The following ELF2 variants were observed in gnomAD, a reference collection of about 807,000 sequenced individuals.
ELF2 encodes the protein E74 like ETS transcription factor 2, also known as ETS-related transcription factor Elf-2.
Under a neutral mutation model 54.8 loss-of-function variants are expected in ELF2, and 11 were observed. The observed-to-expected ratio is 0.20, with a 90% CI of 0.13 to 0.33. The LOEUF (loss-of-function observed/expected upper bound fraction) is 0.33, where lower values mean the gene tolerates loss of function less well. Ranked by LOEUF, ELF2 falls within the 10% of genes least tolerant of loss-of-function variation. The pLI is 1.00. For synonymous variants in ELF2, 203 were observed against 245.1 expected, an observed-to-expected ratio of 0.83 and a Z score of 1.61; for missense variants, 513 against 703.0, an observed-to-expected ratio of 0.73 and a Z score of 3.06.
At chr4:139,060,218 A>G in intron 9 of ELF2, 106 bp downstream of exon 9, 1 of 1,019,722 alleles carries the variant, frequency 9.8e-7, no homozygotes, top group Non-Finnish European at 1.4e-6. Flanking sequence ...TCCTGACAAC[A>G]CTGGGTTCTT....
chr4:139,158,428 T>C (rs1361026998), intron 1 of ELF2, among the ~76,000 whole-genome samples: 1 of 152,088 alleles, frequency 6.6e-6, no homozygotes, highest in East Asian at 1.9e-4. Flanking sequence ...AGTGGTAAAG[T>C]GTTGGGGCAG....
At chr4:139,061,274 A>G (rs562103586) in intron 8 of ELF2, among the ~76,000 whole-genome samples, 2 of 151,168 alleles carry the variant, frequency 1.3e-5, no homozygotes, top group South Asian at 4.2e-4. Flanking sequence ...TCCTGGGTTC[A>G]AGCGATTCTC....
intron 3 of ELF2, among the ~76,000 whole-genome samples, chr4:139,127,120 T>C (rs936444861): frequency 5.3e-5 from 8 of 152,334 alleles, no homozygotes; most frequent in African/African-American, 1.9e-4. Flanking sequence ...TACCTTCATG[T>C]ACCTACTCAC....
intron 1 of ELF2, among the ~76,000 whole-genome samples, chr4:139,152,659 T>C (rs1740123773): frequency 6.6e-6 from 1 of 152,134 alleles, no homozygotes; most frequent in Non-Finnish European, 1.5e-5. Flanking sequence ...TATAGTTTAA[T>C]TCACAGCTGG....
chr4:139,172,208 C>T (rs984633653), intron 1 of ELF2, among the ~76,000 whole-genome samples: 4 of 152,138 alleles, frequency 2.6e-5, no homozygotes, highest in South Asian at 4.1e-4. Flanking sequence ...TGGAAATAAT[C>T]GAAACACCTA....
chr4:139,089,967 T>C (rs1366801495), intron 4 of ELF2, among the ~76,000 whole-genome samples: 2 of 152,244 alleles, frequency 1.3e-5, no homozygotes, highest in Non-Finnish European at 2.9e-5. Flanking sequence ...TCTCACTCTG[T>C]CACTGAGGCT....
At chr4:139,083,651 G>A (rs931752584) in intron 4 of ELF2, among the ~76,000 whole-genome samples, 2 of 152,226 alleles carry the variant, frequency 1.3e-5, no homozygotes, top group East Asian at 1.9e-4. Context: ...AGGGAGAACC[G>A]AGCGGGGGTG....
At chr4:139,103,301 A>C (rs1391818664) in intron 4 of ELF2, among the ~76,000 whole-genome samples, 1 of 152,182 alleles carries the variant, frequency 6.6e-6, no homozygotes, top group Non-Finnish European at 1.5e-5. Context: ...AGATTGAGTA[A>C]TGGCTGGCAG....
In ELF2 at chr4:139,137,692, C is replaced by T. The variant is rs747574524; in HGVS notation, c.10G>A (p.Ala4Thr). 2.0e-5 allele frequency: 33 copies of T among 1,614,030 alleles called. No homozygotes were observed. The highest frequency in any genetic ancestry group is 2.8e-5 in the Non-Finnish European group (33 of 1,179,990). Residue 4 changes from alanine (A) to threonine (T), a missense_variant, in exon 3 of 10, where the codon GCA (alanine) becomes ACA (threonine). By Grantham distance (58) the Ala-to-Thr change is moderately conservative. Coordinates refer to ENST00000686138, the MANE Select transcript of ELF2 (RefSeq NM_001331036.3). ...ATAGTACCTCCACTGTCAACCACTG[C>T]TGATGTCATTGTTATTCCCTGAGGA... MTS[A>T]VVDSGGTILE...
At chr4:139,140,513 G>A (rs1190101160) in intron 1 of ELF2, among the ~76,000 whole-genome samples, 1 of 152,160 alleles carries the variant, frequency 6.6e-6, no homozygotes, top group Non-Finnish European at 1.5e-5. Context: ...CAACACTTTG[G>A]GAGAGGAAGG....
chr4:139,086,414 A>C (rs1731986830), intron 4 of ELF2, among the ~76,000 whole-genome samples: 1 of 152,250 alleles, frequency 6.6e-6, no homozygotes, highest in Non-Finnish European at 1.5e-5. Context: ...TAGTTACAGA[A>C]GTGCAGTCTA....
At chr4:139,146,222 T>G (rs890473912) in intron 1 of ELF2, among the ~76,000 whole-genome samples, 2 of 152,176 alleles carry the variant, frequency 1.3e-5, no homozygotes, top group African/African-American at 4.8e-5. Context: ...AGCACTGCTA[T>G]ACAACAACGA....
At chr4:139,157,914 G>A (rs531335496) in intron 1 of ELF2, among the ~76,000 whole-genome samples, 6 of 152,320 alleles carry the variant, frequency 3.9e-5, no homozygotes, top group East Asian at 3.9e-4. Flanking sequence ...TGGATAACGC[G>A]TCTGACTACG....
intron 1 of ELF2, among the ~76,000 whole-genome samples, chr4:139,151,531 C>T (rs947955545): frequency 1.3e-5 from 2 of 152,070 alleles, no homozygotes; most frequent in Admixed American, 6.6e-5. Flanking sequence ...AAATCTGATG[C>T]GAGTTCTTGT....
intron 1 of ELF2, among the ~76,000 whole-genome samples, chr4:139,157,448 G>A (rs1336279776): frequency 6.6e-6 from 1 of 151,938 alleles, no homozygotes; most frequent in East Asian, 1.9e-4. Context: ...CAACCAGGCT[G>A]GAGTGCAGTG....
chr4:139,147,628 C>T (rs917981891), intron 1 of ELF2, among the ~76,000 whole-genome samples: 5 of 151,200 alleles, frequency 3.3e-5, no homozygotes, highest in African/African-American at 9.7e-5. Context: ...CCTGCCACTG[C>T]GCCCAGCTAA....
intron 1 of ELF2, among the ~76,000 whole-genome samples, chr4:139,161,843 C>G (rs1163771272): frequency 6.6e-6 from 1 of 151,952 alleles, no homozygotes; most frequent in Non-Finnish European, 1.5e-5. Flanking sequence ...CAGTGTAATC[C>G]CAGCACTTTG....
chr4:139,128,762 T>C (rs1411846086), intron 3 of ELF2, among the ~76,000 whole-genome samples: 1 of 151,894 alleles, frequency 6.6e-6, no homozygotes, highest in East Asian at 2.0e-4. Context: ...ACTCGAGCAA[T>C]CCACTTGCCT....
At chr4:139,150,817 T>C (rs568947533) in intron 1 of ELF2, among the ~76,000 whole-genome samples, 8 of 151,540 alleles carry the variant, frequency 5.3e-5, no homozygotes, top group Non-Finnish European at 1.2e-4. Context: ...GGTCAGGAGA[T>C]TGAGACCATC....
Sources: gnomAD v4.1 joint callset for allele counts (sites outside exome capture counted in the v4.1 genomes callset) on GRCh38, gnomAD v4.1.1 for gene constraint, MANE v1.5 for transcripts, NCBI Gene and HGNC (gene_info 2026-07-23, HGNC 2026-07-21) for gene names.